The following P4HB variants were observed in gnomAD, a reference collection of about 807,000 sequenced individuals.
P4HB encodes protein disulfide-isomerase.
Under a neutral mutation model 52.6 loss-of-function variants are expected in P4HB, and 20 were observed. The observed-to-expected ratio is 0.38, with a 90% CI of 0.27 to 0.55. P4HB has a LOEUF of 0.55. Among genes scored for constraint, P4HB ranks in the 20% least tolerant of loss-of-function variants. The pLI is 0.74. For missense variants in P4HB, 601 were observed against 669.2 expected (o/e 0.90, Z 1.12); for synonymous variants, 296 against 277.9 (o/e 1.07, Z -0.65).
chr17:81,852,532 C>T (rs991080784), intron 4 of P4HB, among the ~76,000 whole-genome samples: 3 of 152,244 alleles, frequency 2.0e-5, no homozygotes, highest in East Asian at 1.9e-4. Context: ...GACAGGGGGC[C>T]GGGCTTCTGC....
intron 4 of P4HB, among the ~76,000 whole-genome samples, chr17:81,850,159 T>C (rs1240296391): frequency 6.7e-6 from 1 of 149,444 alleles, no homozygotes; most frequent in Non-Finnish European, 1.5e-5. Flanking sequence ...TGAGACGGAG[T>C]TTCACTCTTG....
Position 81,855,277 on chromosome 17 carries a change from G to A in P4HB, c.489C>T (p.Asp163=), listed in dbSNP as rs760928256. ...ACTGCTTGGCAGAGTCCGACTCCAC[G>A]TCCTGAATGAGGAGGGAGAAGCAGA... ...SEVAVIGFFK[D]VESDSAKQFL... Residue 163 remains aspartate, a splice_region_variant and synonymous_variant, in exon 4 of 11, where the codon GAC becomes GAT. Transcript: ENST00000331483. This position sits in a 1 kb window ranked among gnomAD's most constrained non-coding sequence, Gnocchi z 4.3. 19 of 1,613,676 alleles carry A rather than the reference G, an allele frequency of 1.2e-5. No individual in the cohort carries two copies. The highest frequency in any genetic ancestry group is 1.1e-4 in the South Asian group (10 of 91,080).
chr17:81,855,901 A>C lies in P4HB; in HGVS notation c.353-315T>G. 3.7e-6 allele frequency: 1 copy of C among 269,792 alleles called. No homozygotes were observed. The highest frequency in any genetic ancestry group is 7.0e-5 in the South Asian group (1 of 14,300). The allele number at this position is 269,792 out of a possible 1,614,324, so 16.7% of individuals were successfully genotyped here. On this transcript the variant is annotated intron_variant, in intron 2 of 10. Transcript: ENST00000331483. This position sits in a 1 kb window ranked among gnomAD's most constrained non-coding sequence, Gnocchi z 4.3. ...CTTTTTTCTTTTGACACAGGGGCTC[A>C]CTCTGTTACCCAGCTGGAGGGTAGT...
chr17:81,844,230 C>A, intron 10 of P4HB, 138 bp from the exon 11 acceptor site: 1 of 745,172 alleles, frequency 1.3e-6, no homozygotes, highest in Non-Finnish European at 2.4e-6. Context: ...GAGCAGCCAA[C>A]CCTGGTCTTT....
intron 9 of P4HB, 61 bp from the exon 10 acceptor site, chr17:81,845,291 T>C: frequency 7.3e-7 from 1 of 1,360,716 alleles, no homozygotes; most frequent in Non-Finnish European, 1.0e-6. Context: ...CTCCTGGCAT[T>C]GGCTCCTCCT....
At chr17:81,857,315 T>C (rs1407349002) in intron 2 of P4HB, among the ~76,000 whole-genome samples, 2 of 152,052 alleles carry the variant, frequency 1.3e-5, no homozygotes, top group African/African-American at 4.8e-5. Flanking sequence ...GCCCGGCTAA[T>C]TTTTGTATTT....
rs538948022 is a variant in P4HB, at chr17:81,859,668, A to G, written c.146-281T>C. ...CAGACAAACCTTTCAATGGTTGCTG[A>G]CTTCTTATTCCCCACAGGCAACTAA... On this transcript the variant is annotated intron_variant, in intron 1 of 10. Coordinates refer to ENST00000331483, the MANE Select transcript of P4HB (RefSeq NM_000918.4). 5 of 479,944 alleles carry G rather than the reference A, an allele frequency of 1.0e-5. No individual in the cohort carries two copies. In the East Asian group the frequency reaches 2.0e-4, roughly 19 times the overall value. The allele number at this position is 479,944 out of a possible 1,614,324, so 29.7% of individuals were successfully genotyped here. A position where few individuals can be genotyped will look rare whatever the true frequency, so the allele number is the denominator to read the frequency against.
chr17:81,847,060 T>C lies in P4HB; in HGVS notation c.742A>G (p.Ile248Val), dbSNP rs753997366. The C allele has an allele frequency of 6.2e-7, 1 of 1,614,038 alleles. No individual in the cohort carries two copies. The highest frequency in any genetic ancestry group is 8.5e-7 in the Non-Finnish European group (1 of 1,180,004). ...TGAGTCTTGATTTCACCTCCAAAAA[T>C]CTTCGGGGCTGTCTGTGTTATAAAC... ...IEFTEQTAPK[I>V]FGGEIKTHIL... is the part of the protein sequence containing the mutation. The change falls in exon 6 of 11, where the codon ATT becomes GTT. Residue 248 changes from isoleucine to valine, a missense_variant. Coordinates refer to ENST00000331483, the MANE Select transcript of P4HB (RefSeq NM_000918.4).
chr17:81,846,930 C>G lies in P4HB; in HGVS notation c.855+17G>C. 3 of 1,613,338 alleles carry G rather than the reference C, an allele frequency of 1.9e-6. No individual in the cohort carries two copies. Among genetic ancestry groups the G allele is most frequent in the Non-Finnish European group, 2.5e-6 (3 of 1,179,942 alleles). On this transcript the variant is annotated intron_variant, in intron 6 of 10. Coordinates refer to ENST00000331483, the MANE Select transcript of P4HB (RefSeq NM_000918.4). The surrounding 1 kb of genome is among the most constrained non-coding windows in gnomAD (Gnocchi z 5.7). ...TCCCTGGCACCGCCCCACGAGCCAC[C>G]CAGAAGAGCAGCTCACCTTGCCCTT...
intron 1 of P4HB, 41 bp from the exon 2 acceptor site, chr17:81,859,428 C>T (rs368447559): frequency 4.5e-6 from 7 of 1,557,598 alleles, no homozygotes; most frequent in Middle Eastern, 1.9e-4. Flanking sequence ...GCCTTGATCC[C>T]TAAAGCAGCC....
Position 81,855,211 on chromosome 17 carries a change from C to A in P4HB, c.555G>T (p.Gly185=). The change falls in exon 4 of 11, where the codon GGG becomes GGT. Residue 185 remains glycine (G), a synonymous_variant. Coordinates refer to ENST00000331483, the MANE Select transcript of P4HB (RefSeq NM_000918.4). The surrounding 1 kb of genome is among the most constrained non-coding windows in gnomAD (Gnocchi z 4.3). ...AGAACACGTCACTGTTGGAAGTGAT[C>A]CCAAATGGTATGTCATCGATGGCCT... ...AAEAIDDIPF[G]ITSNSDVFSK... 1 of 1,613,936 alleles carries A rather than the reference C, an allele frequency of 6.2e-7. No homozygotes were observed. Among genetic ancestry groups the A allele is most frequent in the Non-Finnish European group, 8.5e-7 (1 of 1,179,880 alleles).
intron 10 of P4HB, among the ~76,000 whole-genome samples, chr17:81,844,655 A>G (rs1453291454): frequency 6.6e-6 from 1 of 151,930 alleles, no homozygotes; most frequent in Non-Finnish European, 1.5e-5. Context: ...CATCTCCTTC[A>G]CCATGGTCAA....
intron 9 of P4HB, 153 bp from the exon 10 acceptor site, chr17:81,845,383 C>A: frequency 1.2e-6 from 1 of 842,026 alleles, no homozygotes; most frequent in Non-Finnish European, 1.9e-6. Context: ...ACAGCCTAGG[C>A]AATATAGTGA....
Position 81,843,983 on chromosome 17 carries a change from T to A in P4HB, c.*29A>T. ...CTGGGTGTGCAGCCCCCGAGGGGTC[T>A]CGGCAGCGCCCGGGTCTGGCTTTGC... On this transcript the variant is annotated 3_prime_UTR_variant, in exon 11 of 11. Transcript: ENST00000331483. 2 of 1,562,518 alleles carry A rather than the reference T, an allele frequency of 1.3e-6. No homozygotes were observed. The highest frequency in any genetic ancestry group is 1.8e-6 in the Non-Finnish European group (2 of 1,133,402).
intron 2 of P4HB, among the ~76,000 whole-genome samples, chr17:81,856,668 G>GACGGAATCT (rs1346439353): frequency 7.4e-5 from 10 of 135,978 alleles, no homozygotes; most frequent in Non-Finnish European, 1.6e-4. Flanking sequence ...TTTTTTTTGA[G>GACGGAATCT]ACGGAATCTA....
intron 2 of P4HB, among the ~76,000 whole-genome samples, chr17:81,858,227 G>A (rs1291572047): frequency 9.1e-6 from 1 of 109,408 alleles, no homozygotes; most frequent in African/African-American, 4.0e-5. Context: ...AGCAGAGATC[G>A]CACCACTGCA....
intron 1 of P4HB, chr17:81,859,853 G>A (rs1452486018): frequency 1.6e-5 from 3 of 190,078 alleles, no homozygotes; most frequent in East Asian, 3.0e-4. Flanking sequence ...TGTCAATAGA[G>A]TTAGCAGCTG....
At chr17:81,854,011 G>A (rs1356895627) in intron 4 of P4HB, among the ~76,000 whole-genome samples, 1 of 152,248 alleles carries the variant, frequency 6.6e-6, no homozygotes, top group Non-Finnish European at 1.5e-5. Flanking sequence ...CGGCTAAGAG[G>A]CCACACTGTC....
At position 81,846,780 on chromosome 17, in the gene P4HB, G is replaced by A. The variant is rs1567836578; in HGVS notation, c.856-151C>T. The A allele has an allele frequency of 6.7e-6, 8 of 1,192,704 alleles. No homozygotes were observed. The highest frequency in any genetic ancestry group is 9.6e-6 in the Non-Finnish European group (8 of 829,360). The allele number at this position is 1,192,704 out of a possible 1,614,324, so 73.9% of individuals were successfully genotyped here. On this transcript the variant is annotated intron_variant, in intron 6 of 10. Transcript: ENST00000331483. This position sits in a 1 kb window ranked among gnomAD's most constrained non-coding sequence, Gnocchi z 5.7. ...CAACCAGACCAGCAGGTGACTGGGA[G>A]CAGAGGTCTGGCCTGGCTGGCCCCT...
Sources: allele counts gnomAD v4.1 joint callset (sites outside exome capture counted in the v4.1 genomes callset), GRCh38; gene constraint gnomAD v4.1.1; non-coding constraint Gnocchi (gnomAD v3.1); transcripts MANE v1.5; gene names NCBI Gene and HGNC (gene_info 2026-07-23, HGNC 2026-07-21).